Variants in YAP1 observed in about 807,000 individuals in gnomAD.
YAP1 encodes Yes1 associated transcriptional regulator, also known as transcriptional coactivator YAP1.
A neutral mutation model predicts 56.9 loss-of-function variants in YAP1; 5 were observed. The observed-to-expected ratio is 0.09, with a 90% CI of 0.05 to 0.18. The LOEUF (loss-of-function observed/expected upper bound fraction) is 0.18, where lower values mean the gene tolerates loss of function less well. YAP1 is among the 10% of genes least tolerant of loss of function. The pLI is 1.00. For synonymous variants in YAP1, 265 were observed against 248.1 expected, an observed-to-expected ratio of 1.07 and a Z score of -0.64; for missense variants, 539 against 651.8, an observed-to-expected ratio of 0.83 and a Z score of 1.88.
intron 1 of YAP1, among the ~76,000 whole-genome samples, 177 bp downstream of exon 1, chr11:102,111,346 C>T (rs1275944620): frequency 6.6e-6 from 1 of 152,114 alleles, no homozygotes; most frequent in Non-Finnish European, 1.5e-5. Context: ...CGGTGACCAG[C>T]TCCCCACTCC....
intron 6 of YAP1, among the ~76,000 whole-genome samples, chr11:102,218,081 T>G (rs947718299): frequency 1.3e-5 from 2 of 152,216 alleles, no homozygotes; most frequent in African/African-American, 4.8e-5. Context: ...CACTTTATAA[T>G]TTATTGTATA....
intron 6 of YAP1, among the ~76,000 whole-genome samples, chr11:102,218,510 G>C (rs537019308): frequency 1.3e-5 from 2 of 152,072 alleles, no homozygotes; most frequent in Non-Finnish European, 2.9e-5. Context: ...ATCCATACTT[G>C]GTTGCCTTAC....
chr11:102,125,734 T>C (rs555279144), intron 2 of YAP1, among the ~76,000 whole-genome samples: 1 of 152,162 alleles, frequency 6.6e-6, no homozygotes, highest in Non-Finnish European at 1.5e-5. Context: ...TGTTTATTAT[T>C]TTTAATAACA....
At chr11:102,128,367 C>A (rs1327345617) in intron 2 of YAP1, among the ~76,000 whole-genome samples, 1 of 152,146 alleles carries the variant, frequency 6.6e-6, no homozygotes, top group Non-Finnish European at 1.5e-5. Context: ...CTCACGAGAT[C>A]TGATGGGTTT....
intron 3 of YAP1, among the ~76,000 whole-genome samples, chr11:102,164,727 GT>G (rs371270623): frequency 1.3e-5 from 2 of 151,344 alleles, no homozygotes. Context: ...GGGTTTTTTT[GT>G]TTTTTTTCTT....
In YAP1 at chr11:102,110,700, G is replaced by A. The variant is rs1426790691; in HGVS notation, c.-149G>A. 1 of 627,724 alleles carries A rather than the reference G, an allele frequency of 1.6e-6. No individual in the cohort carries two copies. The highest frequency in any genetic ancestry group is 1.9e-5 in the African/African-American group (1 of 51,332). The allele number at this position is 627,724 out of a possible 1,614,324, so 38.9% of individuals were successfully genotyped here. A position where few individuals can be genotyped will look rare whatever the true frequency, so the allele number is the denominator to read the frequency against. Reference sequence around the variant, plus strand: ...GCCGGGGCGGGGGATGCGGGGCCGCGGCGCAGCCCCCCGGCCCTGAGAGCG... The same window carrying A: ...GCCGGGGCGGGGGATGCGGGGCCGCAGCGCAGCCCCCCGGCCCTGAGAGCG... On this transcript the variant is annotated 5_prime_UTR_variant, in exon 1 of 9. Transcript: ENST00000282441.
chr11:102,205,960 A>C lies in YAP1; in HGVS notation c.870A>C (p.Pro290=). 2 of 1,613,412 alleles carry C rather than the reference A, an allele frequency of 1.2e-6. No individual in the cohort carries two copies. Among genetic ancestry groups the C allele is most frequent in the Non-Finnish European group, 1.7e-6 (2 of 1,179,876 alleles). The part of the protein sequence containing the change: ...KQPPPLAPQS[P]QGGVMGGSNS... Reference sequence around the variant, plus strand: ...CACCACCCCTGGCTCCCCAGAGCCCACAGGGAGGCGTCATGGGTGGCAGCA... The same window carrying C: ...CACCACCCCTGGCTCCCCAGAGCCCCCAGGGAGGCGTCATGGGTGGCAGCA... The change falls in exon 5 of 9, where the codon CCA becomes CCC. Residue 290 remains proline, a synonymous_variant. Transcript: ENST00000282441.
At chr11:102,114,732 C>T (rs542032559) in intron 2 of YAP1, among the ~76,000 whole-genome samples, 1 of 152,246 alleles carries the variant, frequency 6.6e-6, no homozygotes, top group African/African-American at 2.4e-5. Flanking sequence ...TGAAAATTTT[C>T]AAATTCTGGG....
At position 102,232,001 on chromosome 11, in the gene YAP1, A is replaced by T. The variant is rs952259881; in HGVS notation, c.*2061A>T. 19 of 152,620 alleles carry T rather than the reference A, an allele frequency of 1.2e-4. No homozygotes were observed. Among genetic ancestry groups the T allele is most frequent in the African/African-American group, 4.3e-4 (18 of 41,466 alleles). 9.5% of individuals were successfully genotyped at this position (152,620 alleles called of 1,614,324 possible). ...TGATCACTCATAATAATTGACTCTA[A>T]GGCTTTTATTAAGAAAACAGCAGAA... On this transcript the variant is annotated 3_prime_UTR_variant, in exon 9 of 9. Transcript: ENST00000282441.
At chr11:102,216,367 CATGAAGTCAAATTAATCCGA>C in intron 6 of YAP1, among the ~76,000 whole-genome samples, 1 of 151,994 alleles carries the variant, frequency 6.6e-6, no homozygotes, top group Admixed American at 6.6e-5. Context: ...TATGGGTAAG[CATGAAGTCAAATTAATCCGA>C]ATGTTTAATC....
At chr11:102,191,155 C>G (rs1948258277) in intron 4 of YAP1, among the ~76,000 whole-genome samples, 1 of 144,556 alleles carries the variant, frequency 6.9e-6, no homozygotes, top group African/African-American at 2.6e-5. Flanking sequence ...GCCTGGGCAA[C>G]AGAGCGAGAC....
intron 4 of YAP1, among the ~76,000 whole-genome samples, chr11:102,201,062 A>G (rs1188792916): frequency 2.0e-5 from 3 of 152,206 alleles, no homozygotes; most frequent in Non-Finnish European, 2.9e-5. Flanking sequence ...CAACTAAGCA[A>G]TCTCCCGTAT....
Position 102,110,990 on chromosome 11 carries a change from C to T in YAP1, c.142C>T (p.Pro48Ser), listed in dbSNP as rs564561654. The T allele has an allele frequency of 6.4e-7, 1 of 1,553,620 alleles. No individual in the cohort carries two copies. The highest frequency in any genetic ancestry group is 8.7e-7 in the Non-Finnish European group (1 of 1,152,752). Residue 48 changes from proline (P) to serine (S), a missense_variant, in exon 1 of 9, where the codon CCC (proline) becomes TCC (serine). This residue lies in a region of YAP1 where 106 missense variants were observed against 86.6 expected (regional missense o/e 1.22). Transcript: ENST00000282441. The part of the protein sequence containing the change: ...PAATQAAPQA[P>S]PAGHQIVHVR... ...GGCGACCCAGGCGGCGCCGCAGGCA[C>T]CCCCCGCCGGGCATCAGATCGTGCA... is the stretch of plus-strand genomic sequence containing the variant.
At chr11:102,171,152 GATTAA>G (rs1946879861) in intron 3 of YAP1, among the ~76,000 whole-genome samples, 1 of 152,100 alleles carries the variant, frequency 6.6e-6, no homozygotes, top group South Asian at 2.1e-4. Context: ...ATGAGAAAGA[GATTAA>G]ATTATTTCCA....
At chr11:102,221,978 A>G (rs1046395849) in intron 6 of YAP1, among the ~76,000 whole-genome samples, 1 of 152,094 alleles carries the variant, frequency 6.6e-6, no homozygotes, top group Non-Finnish European at 1.5e-5. Context: ...ATTGAAGTTC[A>G]GAGACTCTCT....
intron 8 of YAP1, among the ~76,000 whole-genome samples, chr11:102,228,319 G>A (rs760013887): frequency 2.7e-4 from 41 of 152,000 alleles, no homozygotes; most frequent in Non-Finnish European, 2.1e-4. Context: ...ACTAGGAGGT[G>A]GGGCTCACTT....
chr11:102,217,783 G>A (rs930504179), intron 6 of YAP1, among the ~76,000 whole-genome samples: 5 of 152,036 alleles, frequency 3.3e-5, no homozygotes, highest in African/African-American at 7.2e-5. Flanking sequence ...TCTGCCTCCC[G>A]GGTTCAAGCG....
chr11:102,201,381 C>T lies in YAP1; in HGVS notation c.803-4512C>T, dbSNP rs140321575. Reference sequence around the variant, plus strand: ...TTTTAAGGGTAGAATAAAGGAAATACTGATACAGTTTACCTGTTACCTATT... The same window carrying T: ...TTTTAAGGGTAGAATAAAGGAAATATTGATACAGTTTACCTGTTACCTATT... On this transcript the variant is annotated intron_variant, in intron 4 of 8. Transcript: ENST00000282441. Among the ~76,000 whole-genome samples, 685 of 152,266 alleles carry T rather than the reference C, an allele frequency of 4.5e-3. 6 individuals are homozygous for T. Among genetic ancestry groups the T allele is most frequent in the Non-Finnish European group, 7.8e-3 (528 of 68,010 alleles).
chr11:102,123,647 T>TTTTTTTTTTTTTTTTTTTC (rs1565429580), intron 2 of YAP1, among the ~76,000 whole-genome samples: 1 of 125,320 alleles, frequency 8.0e-6, no homozygotes, highest in Non-Finnish European at 1.7e-5. Context: ...TTTTTTTTTC[T>TTTTTTTTTTTTTTTTTTTC]TTTTTTTTTC....
Sources: allele counts gnomAD v4.1 joint callset (sites outside exome capture counted in the v4.1 genomes callset), GRCh38; gene constraint gnomAD v4.1.1; regional missense constraint gnomAD v4.1.1; transcripts MANE v1.5; gene names NCBI Gene and HGNC (gene_info 2026-07-23, HGNC 2026-07-21).